The following KALRN variants were observed in gnomAD, a reference collection of about 807,000 sequenced individuals.
The protein encoded by KALRN is kalirin RhoGEF kinase.
In KALRN, 70 loss-of-function variants were observed where a neutral mutation model predicts 353.7. The ratio of observed to expected loss-of-function variants is 0.20; its 90% CI spans 0.16 to 0.24. The LOEUF (loss-of-function observed/expected upper bound fraction) is 0.24, where lower values mean the gene tolerates loss of function less well. Among genes scored for constraint, KALRN ranks in the 10% least tolerant of loss-of-function variants. KALRN has a pLI of 1.00. For synonymous variants in KALRN, 1,391 were observed against 1,434.8 expected, an observed-to-expected ratio of 0.97 and a Z score of 0.69; for missense variants, 2,791 against 3,756.7, an observed-to-expected ratio of 0.74 and a Z score of 6.72.
intron 1 of KALRN, among the ~76,000 whole-genome samples, chr3:124,170,621 A>G (rs1400597803): frequency 3.3e-5 from 5 of 152,202 alleles, no homozygotes; most frequent in South Asian, 2.1e-4. Context: ...TTGAGTACAC[A>G]CAGAGAAGTT....
intron 10 of KALRN, among the ~76,000 whole-genome samples, chr3:124,379,264 C>T (rs2086992705): frequency 6.6e-6 from 1 of 151,948 alleles, no homozygotes; most frequent in Non-Finnish European, 1.5e-5. Flanking sequence ...ACTATCTGAA[C>T]ATATGGAATA....
At chr3:124,152,371 A>T in intron 1 of KALRN, 1 of 1,200,080 alleles carries the variant, frequency 8.3e-7, no homozygotes, top group East Asian at 2.3e-5. Flanking sequence ...AAGCTGCAAC[A>T]CCTTTCGGAC....
chr3:124,454,795 A>G (rs964815810), intron 21 of KALRN, among the ~76,000 whole-genome samples: 3 of 152,086 alleles, frequency 2.0e-5, no homozygotes, highest in Admixed American at 6.5e-5. Flanking sequence ...TGTATTAGGT[A>G]TTGTAAGTAA....
At chr3:124,238,972 A>G (rs71332729) in intron 3 of KALRN, among the ~76,000 whole-genome samples, 4,227 of 152,240 alleles carry the variant, frequency 0.028, 74 homozygotes, top group South Asian at 0.067. Flanking sequence ...CAACTTTTCA[A>G]TAACTCCATC....
chr3:124,584,813 C>T lies in KALRN; in HGVS notation c.5182+21724C>T. On this transcript the variant is annotated intron_variant, in intron 34 of 59. Coordinates refer to ENST00000682506, the MANE Select transcript of KALRN (RefSeq NM_001388419.1). ...GTGCCATGCGGGAGCGCTGGGGCGGCGGGGCAACATGAAGGGCGGCGACAG... is the reference window on the plus strand; with the variant it reads ...GTGCCATGCGGGAGCGCTGGGGCGGTGGGGCAACATGAAGGGCGGCGACAG... 6.3e-7 allele frequency: 1 copy of T among 1,599,722 alleles called. No homozygotes were observed. Among genetic ancestry groups the T allele is most frequent in the South Asian group, 1.1e-5 (1 of 88,658 alleles).
In KALRN at chr3:124,298,849, G is replaced by C; in HGVS notation, c.1028G>C (p.Gly343Ala). 1 of 1,614,168 alleles carries C rather than the reference G, an allele frequency of 6.2e-7. No homozygotes were observed. Among genetic ancestry groups the C allele is most frequent in the Non-Finnish European group, 8.5e-7 (1 of 1,180,002 alleles). Reference protein sequence around the residue: ...ELFLQSHTEIGVSYQYALDLQ... With the variant: ...ELFLQSHTEIAVSYQYALDLQ... ...TTCCTCCAGAGCCACACGGAGATCG[G>C]AGTCAGCTACCAGTACGCCCTTGAC... Residue 343 changes from glycine (G) to alanine (A), a missense_variant, in exon 6 of 60, where the codon GGA (glycine) becomes GCA (alanine). Around this residue, in one of 11 missense-constraint regions of KALRN, gnomAD observed 366 missense variants for 489.2 expected, o/e 0.75. Transcript: ENST00000682506.
At chr3:124,612,563 C>A (rs1047911787) in intron 34 of KALRN, among the ~76,000 whole-genome samples, 4 of 152,182 alleles carry the variant, frequency 2.6e-5, no homozygotes, top group African/African-American at 4.8e-5. Flanking sequence ...TCTTGAACTC[C>A]TCACCTCAGG....
intron 10 of KALRN, among the ~76,000 whole-genome samples, chr3:124,358,830 G>A (rs1050849603): frequency 6.6e-6 from 1 of 152,188 alleles, no homozygotes; most frequent in Non-Finnish European, 1.5e-5. Context: ...CTAGTGAATG[G>A]TGGAGCTCAT....
chr3:124,289,034 G>T (rs545887150), intron 5 of KALRN, among the ~76,000 whole-genome samples: 2 of 152,282 alleles, frequency 1.3e-5, no homozygotes, highest in East Asian at 3.9e-4. Flanking sequence ...GGTTCTGGAG[G>T]CTGGGAAGTC....
intron 11 of KALRN, among the ~76,000 whole-genome samples, chr3:124,391,562 A>G (rs1324094643): frequency 6.6e-6 from 1 of 152,210 alleles, no homozygotes; most frequent in African/African-American, 2.4e-5. Flanking sequence ...TTTTCAAAGC[A>G]TGTTCTTCAG....
At chr3:124,522,701 AGG>A in intron 33 of KALRN, among the ~76,000 whole-genome samples, 1 of 152,330 alleles carries the variant, frequency 6.6e-6, no homozygotes, top group South Asian at 2.1e-4. Flanking sequence ...ACAAATTCCC[AGG>A]TAATGCTGGT....
At chr3:124,372,718 T>C (rs1348465972) in intron 10 of KALRN, among the ~76,000 whole-genome samples, 1 of 152,200 alleles carries the variant, frequency 6.6e-6, no homozygotes, top group African/African-American at 2.4e-5. Context: ...AGTGAACTAT[T>C]CTGTATTGTT....
In KALRN at chr3:124,413,531, C is replaced by G; in HGVS notation, c.2408C>G (p.Thr803Arg). The G allele has an allele frequency of 1.2e-6, 2 of 1,614,180 alleles. No individual in the cohort carries two copies. The highest frequency in any genetic ancestry group is 1.7e-6 in the Non-Finnish European group (2 of 1,180,038). ...CTTCGGCAGATGAATGACTTCAACA[C>G]AGAGGACCTAACCCTGGCAGAACAG... Reference protein sequence around the residue: ...DLLRQMNDFNTEDLTLAEQRL... With the variant: ...DLLRQMNDFNREDLTLAEQRL... The change falls in exon 14 of 60, where the codon ACA becomes AGA. Residue 803 changes from threonine to arginine, a missense_variant. Around this residue, in one of 11 missense-constraint regions of KALRN, gnomAD observed 452 missense variants for 575.8 expected, o/e 0.78. Coordinates refer to ENST00000682506, the MANE Select transcript of KALRN (RefSeq NM_001388419.1).
intron 1 of KALRN, among the ~76,000 whole-genome samples, chr3:124,039,017 C>T (rs1053653989): frequency 6.6e-6 from 1 of 152,238 alleles, no homozygotes; most frequent in African/African-American, 2.4e-5. Flanking sequence ...AAGCTGTTCA[C>T]TTAGCCCCAC....
intron 1 of KALRN, among the ~76,000 whole-genome samples, chr3:124,211,403 T>C (rs949078198): frequency 1.3e-5 from 2 of 152,218 alleles, no homozygotes; most frequent in African/African-American, 4.8e-5. Context: ...GAAATAGTAA[T>C]ATGAATCATT....
intron 19 of KALRN, among the ~76,000 whole-genome samples, chr3:124,442,942 C>G (rs1395433048): frequency 6.6e-6 from 1 of 151,608 alleles, no homozygotes; most frequent in Non-Finnish European, 1.5e-5. Context: ...ATGTTTGCAC[C>G]ATTGTACTCC....
At chr3:124,341,114 A>T (rs772210931) in intron 9 of KALRN, among the ~76,000 whole-genome samples, 1 of 152,262 alleles carries the variant, frequency 6.6e-6, no homozygotes, top group Non-Finnish European at 1.5e-5. Flanking sequence ...GGAATTATGC[A>T]TAATGGCTGT....
chr3:124,131,247 A>G (rs2065239536), intron 1 of KALRN, among the ~76,000 whole-genome samples: 1 of 152,218 alleles, frequency 6.6e-6, no homozygotes, highest in East Asian at 1.9e-4. Flanking sequence ...GAATTTTAGC[A>G]TATTTTTCCT....
rs150170863 is a variant in KALRN, at chr3:124,613,221, A to T, written c.5183-19199A>T. On this transcript the variant is annotated intron_variant, in intron 34 of 59. Transcript: ENST00000682506. ...CCTTTAAAAAAAAAATATGTCTTAC[A>T]CTCCCCAGCAGATTTACACTTCCCA... Among the ~76,000 whole-genome samples, 633 of 151,692 alleles carry T rather than the reference A, an allele frequency of 4.2e-3. 4 individuals carry two copies. The highest frequency in any genetic ancestry group is 7.1e-3 in the Non-Finnish European group (481 of 67,930).
Sources: allele counts gnomAD v4.1 joint callset (sites outside exome capture counted in the v4.1 genomes callset), GRCh38; gene constraint gnomAD v4.1.1; regional missense constraint gnomAD v4.1.1; transcripts MANE v1.5; gene names NCBI Gene and HGNC (gene_info 2026-07-23, HGNC 2026-07-21).